FNIP1: variants seen among roughly 807,000 people sequenced by gnomAD.
The protein encoded by FNIP1 is folliculin interacting protein 1.
FNIP1 carries 40 observed loss-of-function variants against 124.5 expected under a neutral mutation model. That is an observed-to-expected ratio of 0.32 (90% CI 0.25 to 0.42). The LOEUF is 0.42. FNIP1 is among the 10% of genes least tolerant of loss of function. FNIP1 has a pLI of 1.00. For synonymous variants in FNIP1, 472 were observed against 470.6 expected (o/e 1.00, Z -0.04); for missense variants, 1,176 against 1,403.7 (o/e 0.84, Z 2.59).
At chr5:131,715,221 C>T (rs547172909) in intron 6 of FNIP1, among the ~76,000 whole-genome samples, 175 of 152,260 alleles carry the variant, frequency 1.1e-3, no homozygotes, top group African/African-American at 4.1e-3. Context: ...CACGGTGGCT[C>T]ACACCTGTAA....
intron 1 of FNIP1, among the ~76,000 whole-genome samples, chr5:131,750,557 T>C (rs1432584410): frequency 4.0e-5 from 6 of 151,184 alleles, no homozygotes; most frequent in African/African-American, 7.3e-5. Context: ...TAGACTATGA[T>C]AGAAGGTGGT....
intron 16 of FNIP1, among the ~76,000 whole-genome samples, chr5:131,647,410 C>T (rs955951074): frequency 1.1e-5 from 1 of 92,798 alleles, no homozygotes; most frequent in Non-Finnish European, 2.2e-5. Context: ...TTAGCTTCTA[C>T]AGCGTCTTTT....
At chr5:131,644,812 A>C (rs1316179692) in intron 17 of FNIP1, 49 bp from the exon 18 acceptor site, 6 of 1,568,976 alleles carry the variant, frequency 3.8e-6, no homozygotes, top group Non-Finnish European at 5.3e-6. Context: ...TGTACTGAGG[A>C]CATGAACTCT....
intron 6 of FNIP1, among the ~76,000 whole-genome samples, chr5:131,716,068 AC>A: frequency 6.6e-6 from 1 of 152,332 alleles, no homozygotes; most frequent in South Asian, 2.1e-4. Context: ...CAATCAGCTA[AC>A]CAAAGTACTA....
At chr5:131,770,513 A>G (rs1273848978) in intron 1 of FNIP1, among the ~76,000 whole-genome samples, 1 of 152,196 alleles carries the variant, frequency 6.6e-6, no homozygotes, top group African/African-American at 2.4e-5. Context: ...CGTTAATACA[A>G]TGGGCTATTA....
chr5:131,760,952 C>T (rs542858856), intron 1 of FNIP1, among the ~76,000 whole-genome samples: 8 of 152,056 alleles, frequency 5.3e-5, no homozygotes, highest in African/African-American at 1.9e-4. Flanking sequence ...CTAAATTACG[C>T]GGCAAGAGCC....
intron 1 of FNIP1, among the ~76,000 whole-genome samples, chr5:131,761,816 GC>G (rs1454467733): frequency 2.0e-5 from 3 of 151,266 alleles, no homozygotes; most frequent in African/African-American, 7.3e-5. Context: ...GCTAACCTAA[GC>G]AAAAAGAACA....
At chr5:131,656,461 G>T (rs547717280) in intron 15 of FNIP1, among the ~76,000 whole-genome samples, 1 of 152,290 alleles carries the variant, frequency 6.6e-6, no homozygotes, top group African/African-American at 2.4e-5. Context: ...TCTTATGTGG[G>T]TACAGGGTTG....
intron 1 of FNIP1, among the ~76,000 whole-genome samples, chr5:131,775,105 T>C (rs1561701690): frequency 6.6e-6 from 1 of 152,244 alleles, no homozygotes; most frequent in African/African-American, 2.4e-5. Context: ...GCAAAAATAC[T>C]TATGATCAAA....
At chr5:131,777,069 T>TA (rs918452670) in intron 1 of FNIP1, among the ~76,000 whole-genome samples, 38 of 152,004 alleles carry the variant, frequency 2.5e-4, no homozygotes, top group African/African-American at 8.9e-4. Flanking sequence ...CTGTATCTAC[T>TA]AAAAAAATTG....
chr5:131,752,538 T>TG (rs1770910454), intron 1 of FNIP1, among the ~76,000 whole-genome samples: 2 of 136,788 alleles, frequency 1.5e-5, no homozygotes, highest in African/African-American at 5.5e-5. Flanking sequence ...CCTGAACATC[T>TG]AAAAAAAAAA....
At chr5:131,762,609 T>A (rs1771268001) in intron 1 of FNIP1, among the ~76,000 whole-genome samples, 1 of 151,954 alleles carries the variant, frequency 6.6e-6, no homozygotes, top group Non-Finnish European at 1.5e-5. Flanking sequence ...TAAATGCTGG[T>A]GAGGATGTAG....
At chr5:131,773,591 A>G (rs554083505) in intron 1 of FNIP1, among the ~76,000 whole-genome samples, 108 of 152,356 alleles carry the variant, frequency 7.1e-4, no homozygotes, top group Non-Finnish European at 1.3e-3. Flanking sequence ...ATCATTGTAC[A>G]GCTGATGTAG....
chr5:131,714,038 T>G (rs916130948), intron 6 of FNIP1, among the ~76,000 whole-genome samples: 1 of 152,208 alleles, frequency 6.6e-6, no homozygotes, highest in Non-Finnish European at 1.5e-5. Context: ...TCTCCAACTA[T>G]AAAGAGTATG....
At chr5:131,653,666 G>A (rs1767109929) in intron 15 of FNIP1, among the ~76,000 whole-genome samples, 1 of 152,190 alleles carries the variant, frequency 6.6e-6, no homozygotes, top group East Asian at 1.9e-4. Flanking sequence ...AGATCTCTGT[G>A]AAGCAAGAAC....
intron 1 of FNIP1, among the ~76,000 whole-genome samples, chr5:131,778,777 A>G (rs1462000229): frequency 7.7e-6 from 1 of 129,728 alleles, no homozygotes; most frequent in Non-Finnish European, 1.6e-5. Context: ...CTGGATTAAG[A>G]AAATGTGGCA....
intron 6 of FNIP1, among the ~76,000 whole-genome samples, chr5:131,714,820 T>C (rs1468786867): frequency 2.0e-5 from 3 of 152,218 alleles, no homozygotes; most frequent in Non-Finnish European, 4.4e-5. Flanking sequence ...TTTACTATAG[T>C]ATACTGTAAT....
chr5:131,646,617 C>T (rs1010545590), intron 17 of FNIP1, among the ~76,000 whole-genome samples: 8 of 152,112 alleles, frequency 5.3e-5, no homozygotes, highest in Non-Finnish European at 1.0e-4. Flanking sequence ...ATTCCTCCTT[C>T]AGTAAGCATT....
rs185502160 is a variant in FNIP1, at chr5:131,713,200, C to G, written c.623-2539G>C. On this transcript the variant is annotated intron_variant, in intron 6 of 17. Coordinates refer to ENST00000510461, the MANE Select transcript of FNIP1 (RefSeq NM_133372.3). The stretch of plus-strand genomic sequence containing the variant: ...CTGGGACTACAGGCGCCCGCCACCA[C>G]GCCCGGCTAATTTTCTTTTGTGTTT... Among the ~76,000 whole-genome samples the G allele has an allele frequency of 7.2e-5, 11 of 152,262 alleles. No individual in the cohort carries two copies. The East Asian group carries it at 1.7e-3, about 24-fold the overall frequency.
Sources: gnomAD v4.1 joint callset for allele counts (sites outside exome capture counted in the v4.1 genomes callset) on GRCh38, gnomAD v4.1.1 for gene constraint, MANE v1.5 for transcripts, NCBI Gene and HGNC (gene_info 2026-07-23, HGNC 2026-07-21) for gene names.